The following ARL8B variants were observed in gnomAD, a reference collection of about 807,000 sequenced individuals.
The protein encoded by ARL8B is ARF like GTPase 8B, also known as ADP-ribosylation factor-like protein 8B.
Under a neutral mutation model 30.6 loss-of-function variants are expected in ARL8B, and 9 were observed. The observed-to-expected ratio is 0.29, with a 90% CI of 0.18 to 0.51. The LOEUF (loss-of-function observed/expected upper bound fraction) is 0.51, where lower values mean the gene tolerates loss of function less well. Ranked by LOEUF, ARL8B falls within the 20% of genes least tolerant of loss-of-function variation. The probability of loss-of-function intolerance (pLI) is 0.97; values close to 1 mark genes in which losing one functional copy is unlikely to be tolerated. For synonymous variants in ARL8B, 74 were observed against 76.0 expected (o/e 0.97, Z 0.14); for missense variants, 130 against 227.2 (o/e 0.57, Z 2.75).
At chr3:5,143,503 C>T (rs1010239741) in intron 1 of ARL8B, among the ~76,000 whole-genome samples, 7 of 152,208 alleles carry the variant, frequency 4.6e-5, no homozygotes, top group Non-Finnish European at 8.8e-5. Context: ...CTGAGGTCCT[C>T]CCGTAGCACA....
intron 1 of ARL8B, among the ~76,000 whole-genome samples, chr3:5,144,495 C>G (rs1470668820): frequency 1.3e-5 from 2 of 152,196 alleles, no homozygotes; most frequent in African/African-American, 4.8e-5. Context: ...CTGGGGTCCC[C>G]ATTGACTCCC....
rs1210415647 is a variant in ARL8B at position 5,179,209 on chromosome 3, T to C, written c.*496T>C. ...GCGTGAATGACTCATGTGGGATATA[T>C]GTAAACATAATGTTTATTTTATCTC... On this transcript the variant is annotated 3_prime_UTR_variant, in exon 7 of 7. Transcript: ENST00000256496. The C allele has an allele frequency of 6.5e-6, 1 of 152,966 alleles. No homozygotes were observed. Among genetic ancestry groups the C allele is most frequent in the African/African-American group, 2.4e-5 (1 of 41,590 alleles). 9.5% of individuals were successfully genotyped at this position (152,966 alleles called of 1,614,324 possible).
chr3:5,131,804 T>C (rs145861706), intron 1 of ARL8B, among the ~76,000 whole-genome samples: 2 of 152,364 alleles, frequency 1.3e-5, no homozygotes, highest in African/African-American at 4.8e-5. Flanking sequence ...TGTTTAACTT[T>C]GGTTTTTGTC....
intron 1 of ARL8B, chr3:5,128,669 C>G (rs368866957): frequency 4.6e-6 from 1 of 217,540 alleles, no homozygotes; most frequent in Admixed American, 6.0e-5. Flanking sequence ...AATTTTTTTT[C>G]TGAAATTTTT....
intron 6 of ARL8B, 129 bp from the exon 7 acceptor site, chr3:5,178,535 T>G (rs2054750507): frequency 1.3e-6 from 1 of 749,368 alleles, no homozygotes; most frequent in Non-Finnish European, 2.1e-6. Flanking sequence ...AGTATGGTAA[T>G]GCAGATGCAG....
chr3:5,177,625 T>G (rs2054741997), intron 6 of ARL8B, among the ~76,000 whole-genome samples: 1 of 151,992 alleles, frequency 6.6e-6, no homozygotes. Context: ...TCGGCTAATT[T>G]TTGTATTTTT....
At chr3:5,125,923 A>T (rs370745181) in intron 1 of ARL8B, among the ~76,000 whole-genome samples, 1 of 152,176 alleles carries the variant, frequency 6.6e-6, no homozygotes, top group Non-Finnish European at 1.5e-5. Context: ...AAGGTGATGG[A>T]TGTGTAATTG....
chr3:5,122,651 C>T (rs2054191998), intron 1 of ARL8B, 63 bp downstream of exon 1: 3 of 1,540,412 alleles, frequency 1.9e-6, no homozygotes, highest in East Asian at 4.6e-5. Context: ...CGGCGCTTCT[C>T]CAAGGCCTGA....
At chr3:5,149,275 G>A (rs2054457245) in intron 1 of ARL8B, among the ~76,000 whole-genome samples, 1 of 152,224 alleles carries the variant, frequency 6.6e-6, no homozygotes, top group South Asian at 2.1e-4. Context: ...TCTTGGGTTT[G>A]TCTATGGCCT....
At chr3:5,127,052 G>A (rs1451276280) in intron 1 of ARL8B, among the ~76,000 whole-genome samples, 1 of 152,188 alleles carries the variant, frequency 6.6e-6, no homozygotes, top group Non-Finnish European at 1.5e-5. Flanking sequence ...GTTTATTACT[G>A]CTGAGAATTA....
At chr3:5,124,310 T>C (rs796279876) in intron 1 of ARL8B, among the ~76,000 whole-genome samples, 28 of 146,554 alleles carry the variant, frequency 1.9e-4, no homozygotes, top group African/African-American at 7.1e-4. Context: ...TCTTCCTATG[T>C]TGCCAGGCCA....
chr3:5,140,434 C>G (rs780157171), intron 1 of ARL8B, among the ~76,000 whole-genome samples: 3 of 152,094 alleles, frequency 2.0e-5, no homozygotes, highest in African/African-American at 2.4e-5. Context: ...CATCTTGTGC[C>G]GTGATTGTGA....
intron 1 of ARL8B, among the ~76,000 whole-genome samples, chr3:5,140,556 T>C (rs1354693210): frequency 2.9e-5 from 4 of 138,566 alleles, no homozygotes; most frequent in African/African-American, 1.2e-4. Flanking sequence ...TACACCTTCT[T>C]GGTTTTTTTT....
intron 6 of ARL8B, among the ~76,000 whole-genome samples, chr3:5,176,921 G>A (rs1450367497): frequency 6.6e-6 from 1 of 152,138 alleles, no homozygotes; most frequent in East Asian, 1.9e-4. Flanking sequence ...GGCATTTAGT[G>A]GGTAGATACC....
intron 1 of ARL8B, among the ~76,000 whole-genome samples, chr3:5,154,306 T>G (rs2054513452): frequency 6.6e-6 from 1 of 152,118 alleles, no homozygotes; most frequent in Non-Finnish European, 1.5e-5. Flanking sequence ...TTGTTCATTT[T>G]TTAAAAAAAA....
At chr3:5,125,633 A>G (rs1284367000) in intron 1 of ARL8B, among the ~76,000 whole-genome samples, 1 of 151,856 alleles carries the variant, frequency 6.6e-6, no homozygotes, top group Admixed American at 6.6e-5. Context: ...CCTGGGTTCA[A>G]GCTATTCTCG....
At chr3:5,146,892 A>G (rs941858344) in intron 1 of ARL8B, among the ~76,000 whole-genome samples, 8 of 152,118 alleles carry the variant, frequency 5.3e-5, no homozygotes, top group Admixed American at 6.5e-5. Flanking sequence ...ATCAACCAAA[A>G]ATGTCCCTTC....
intron 1 of ARL8B, among the ~76,000 whole-genome samples, chr3:5,148,538 A>C (rs1203289314): frequency 6.6e-6 from 1 of 152,104 alleles, no homozygotes; most frequent in Non-Finnish European, 1.5e-5. Flanking sequence ...GGCATGCGTG[A>C]TAGGTGGTTC....
intron 1 of ARL8B, among the ~76,000 whole-genome samples, chr3:5,162,481 T>C (rs2054591736): frequency 1.3e-5 from 2 of 152,238 alleles, no homozygotes; most frequent in Admixed American, 6.5e-5. Flanking sequence ...TGGAATGTTA[T>C]GACTTTGTAG....
Sources: allele counts gnomAD v4.1 joint callset (sites outside exome capture counted in the v4.1 genomes callset), GRCh38; gene constraint gnomAD v4.1.1; transcripts MANE v1.5; gene names NCBI Gene and HGNC (gene_info 2026-07-23, HGNC 2026-07-21).